The following ETFB variants were observed in gnomAD, a reference collection of about 807,000 sequenced individuals.
ETFB encodes the protein beta-ETF.
Under a neutral mutation model 25.6 loss-of-function variants are expected in ETFB, and 20 were observed. The ratio of observed to expected loss-of-function variants is 0.78; its 90% CI spans 0.55 to 1.14. The LOEUF (loss-of-function observed/expected upper bound fraction) is 1.14. ETFB is among the 50% of genes most tolerant of loss of function. The probability of loss-of-function intolerance (pLI) is 0.00; values close to 1 mark genes in which losing one functional copy is unlikely to be tolerated. For missense variants in ETFB, 286 were observed against 342.6 expected, an observed-to-expected ratio of 0.83 and a Z score of 1.30; for synonymous variants, 142 against 146.7, an observed-to-expected ratio of 0.97 and a Z score of 0.23.
In ETFB at chr19:51,354,533, G is replaced by A. The variant is rs201291204; in HGVS notation, c.58-225C>T. The A allele has an allele frequency of 3.9e-5, 63 of 1,614,062 alleles. No individual in the cohort carries two copies. In the South Asian group the frequency reaches 6.4e-4, roughly 16 times the overall value. On this transcript the variant is annotated intron_variant, in intron 1 of 5. Coordinates refer to ENST00000309244, the MANE Select transcript of ETFB (RefSeq NM_001985.3). Reference sequence around the variant, plus strand: ...TCATCCAGCCATTCCTGGGTACCAGGGACATCTGACTTGATCATCCCTACT... The same window carrying A: ...TCATCCAGCCATTCCTGGGTACCAGAGACATCTGACTTGATCATCCCTACT...
rs1472342893 is a variant in ETFB at position 51,353,139 on chromosome 19, C to T, written c.368G>A (p.Gly123Asp). The T allele has an allele frequency of 6.2e-7, 1 of 1,613,844 alleles. No individual in the cohort carries two copies. Among genetic ancestry groups the T allele is most frequent in the Non-Finnish European group, 8.5e-7 (1 of 1,179,996 alleles). Residue 123 changes from glycine to aspartate, a missense_variant, in exon 3 of 6, where the codon GGC (glycine) becomes GAC (aspartate). By Grantham distance (94) the Gly-to-Asp change is moderately conservative. Coordinates refer to ENST00000309244, the MANE Select transcript of ETFB (RefSeq NM_001985.3). ...EKEKVDLVLL[G>D]KQAIDDDCNQ... is the part of the protein sequence containing the mutation. ...AGGGCTGACCACAGCTACCTGTTTG[C>T]CCAGCAGCACCAGGTCCACCTTCTC...
chr19:51,358,947 C>T (rs1314896222), intron 1 of ETFB, among the ~76,000 whole-genome samples: 1 of 151,716 alleles, frequency 6.6e-6, no homozygotes, highest in Non-Finnish European at 1.5e-5. Flanking sequence ...TGCAGTGAGC[C>T]GTGATCATGC....
chr19:51,359,840 A>G (rs1440308041), intron 1 of ETFB, among the ~76,000 whole-genome samples: 2 of 150,346 alleles, frequency 1.3e-5, no homozygotes, highest in Non-Finnish European at 3.0e-5. Context: ...GGCAACATAG[A>G]GAGACTTCAT....
Position 51,345,340 on chromosome 19 carries a change from G to C in ETFB, c.639C>G (p.Asp213Glu). The change falls in exon 6 of 6, where the codon GAC (aspartate) becomes GAG (glutamate). Residue 213 changes from aspartate (D) to glutamate (E), a missense_variant. By Grantham distance (45) the Asp-to-Glu change is conservative. Coordinates refer to ENST00000309244, the MANE Select transcript of ETFB (RefSeq NM_001985.3). ...GCTTGGAGGTCAGGTCCACACCCAG[G>C]TCCCCAGGCTTGATCACCTCGATCT... ...KKKIEVIKPG[D>E]LGVDLTSKLS... The C allele has an allele frequency of 6.2e-7, 1 of 1,614,048 alleles. No individual in the cohort carries two copies. Among genetic ancestry groups the C allele is most frequent in the Non-Finnish European group, 8.5e-7 (1 of 1,180,008 alleles).
chr19:51,345,601 C>G, intron 5 of ETFB: 1 of 597,012 alleles, frequency 1.7e-6, no homozygotes, highest in Non-Finnish European at 3.0e-6. Context: ...CTGCAGCAGT[C>G]CTCCTTTAGG....
intron 1 of ETFB, among the ~76,000 whole-genome samples, chr19:51,359,066 A>AACTGTT (rs1986156753): frequency 6.6e-6 from 1 of 151,942 alleles, no homozygotes; most frequent in Admixed American, 6.6e-5. Context: ...AAAGAGAAAG[A>AACTGTT]ACTGTTATTT....
At chr19:51,356,122 T>TAAAA (rs898227209) in intron 1 of ETFB, 44 of 151,088 alleles carry the variant, frequency 2.9e-4, no homozygotes, top group African/African-American at 1.0e-3. Flanking sequence ...AATAATTTTT[T>TAAAA]AAAAAAAAAG....
chr19:51,352,277 C>T (rs369365988), intron 3 of ETFB, among the ~76,000 whole-genome samples: 1 of 152,148 alleles, frequency 6.6e-6, no homozygotes, highest in East Asian at 1.9e-4. Context: ...CATAGAACTC[C>T]CATAGCTCCC....
intron 1 of ETFB, chr19:51,361,696 G>GTTTTT (rs1568470352): frequency 1.1e-4 from 14 of 125,932 alleles, no homozygotes; most frequent in African/African-American, 4.5e-4. Flanking sequence ...GCCTCTCCTG[G>GTTTTT]GTTTTTTTTT....
In ETFB at chr19:51,347,062, G is replaced by A. The variant is rs2035246995; in HGVS notation, c.439-4C>T. The A allele has an allele frequency of 1.2e-6, 2 of 1,613,986 alleles. No individual in the cohort carries two copies. Among genetic ancestry groups the A allele is most frequent in the Admixed American group, 1.7e-5 (1 of 60,004 alleles). On this transcript the variant is annotated splice_region_variant and splice_polypyrimidine_tract_variant and intron_variant, in intron 4 of 5. Coordinates refer to ENST00000309244, the MANE Select transcript of ETFB (RefSeq NM_001985.3). ...TCACCTGGGAGGCGAATGTGCCCTG[G>A]GGAGGGACAGTGTAGGAGGAGAGTG...
chr19:51,353,053 T>C (rs1985966851), intron 3 of ETFB, 79 bp downstream of exon 3: 3 of 1,577,136 alleles, frequency 1.9e-6, no homozygotes, highest in Admixed American at 3.3e-5. Flanking sequence ...GGCCAGCTGC[T>C]GTCTCACCCC....
chr19:51,350,219 G>C, intron 4 of ETFB, 110 bp downstream of exon 4: 1 of 1,234,520 alleles, frequency 8.1e-7, no homozygotes, highest in Non-Finnish European at 1.1e-6. Flanking sequence ...CAATCCGAGG[G>C]AACAGTGTTC....
intron 1 of ETFB, 50 bp from the exon 2 acceptor site, chr19:51,354,358 G>A: frequency 1.2e-6 from 2 of 1,613,858 alleles, no homozygotes; most frequent in South Asian, 1.1e-5. Context: ...CAGGCAAGAA[G>A]GTGGGGGCCT....
chr19:51,351,632 T>C (rs1490343582), intron 3 of ETFB, among the ~76,000 whole-genome samples: 1 of 152,224 alleles, frequency 6.6e-6, no homozygotes, highest in Non-Finnish European at 1.5e-5. Flanking sequence ...ACCCAGGCCC[T>C]GCCTTTTTGG....
intron 4 of ETFB, 78 bp from the exon 5 acceptor site, chr19:51,347,136 T>C: frequency 7.0e-7 from 1 of 1,428,318 alleles, no homozygotes; most frequent in Middle Eastern, 1.7e-4. Flanking sequence ...ATGCCACTAC[T>C]GAGTACACGC....
intron 1 of ETFB, among the ~76,000 whole-genome samples, chr19:51,364,149 G>A (rs570537104): frequency 6.6e-6 from 1 of 152,210 alleles, no homozygotes; most frequent in Admixed American, 6.5e-5. Context: ...GGAGGACCCG[G>A]GTGAGGGTCC....
chr19:51,363,053 A>G (rs1986269520), intron 1 of ETFB, among the ~76,000 whole-genome samples: 2 of 152,166 alleles, frequency 1.3e-5, no homozygotes, highest in South Asian at 4.1e-4. Context: ...TCTAGCAAAC[A>G]TACTTTCCTC....
chr19:51,366,254 A>T lies in ETFB; in HGVS notation c.57+16T>A. 1 of 1,612,974 alleles carries T rather than the reference A, an allele frequency of 6.2e-7. No individual in the cohort carries two copies. The highest frequency in any genetic ancestry group is 8.5e-7 in the Non-Finnish European group (1 of 1,179,374). On this transcript the variant is annotated intron_variant, in intron 1 of 5. Transcript: ENST00000309244. The stretch of plus-strand genomic sequence containing the variant: ...GCTGCGGGACTCAGGGATGTGGGAG[A>T]GGGGGGCCCGATCACCTTCACGGCG...
chr19:51,364,781 G>A (rs11084073), intron 1 of ETFB, among the ~76,000 whole-genome samples: 73,466 of 152,100 alleles, frequency 0.48, 18,242 homozygotes, highest in Non-Finnish European at 0.52. Flanking sequence ...TGAGGGAGAT[G>A]GGAGAGCAGA....
Sources: gnomAD v4.1 joint callset for allele counts (sites outside exome capture counted in the v4.1 genomes callset) on GRCh38, gnomAD v4.1.1 for gene constraint, MANE v1.5 for transcripts, NCBI Gene and HGNC (gene_info 2026-07-23, HGNC 2026-07-21) for gene names.